Variants in RAB31 observed in about 807,000 individuals in gnomAD.
RAB31 encodes ras-related protein Rab-31.
In RAB31, 21 loss-of-function variants were observed where a neutral mutation model predicts 25.6. That is an observed-to-expected ratio of 0.82 (90% CI 0.58 to 1.18). The LOEUF (loss-of-function observed/expected upper bound fraction) is 1.18. Ranked by LOEUF, RAB31 falls within the 50% of genes most tolerant of loss-of-function variation. The pLI, the probability that RAB31 is intolerant of heterozygous loss-of-function variation, is 0.00. For missense variants in RAB31, 196 were observed against 250.1 expected, an observed-to-expected ratio of 0.78 and a Z score of 1.46; for synonymous variants, 87 against 84.0, an observed-to-expected ratio of 1.04 and a Z score of -0.20.
intron 1 of RAB31, among the ~76,000 whole-genome samples, chr18:9,744,639 T>A (rs2068196552): frequency 6.6e-6 from 1 of 152,172 alleles, no homozygotes; most frequent in Admixed American, 6.5e-5. Flanking sequence ...GGAACTTGGA[T>A]GCAAAAAGCA....
At chr18:9,837,040 G>C (rs769914169) in intron 5 of RAB31, among the ~76,000 whole-genome samples, 2 of 151,820 alleles carry the variant, frequency 1.3e-5, no homozygotes, top group Admixed American at 1.3e-4. Context: ...AACATGGGGA[G>C]ATTCAGTGTG....
chr18:9,739,485 T>C (rs2068167125), intron 1 of RAB31, among the ~76,000 whole-genome samples: 1 of 151,788 alleles, frequency 6.6e-6, no homozygotes, highest in Non-Finnish European at 1.5e-5. Flanking sequence ...AAAAAGAATT[T>C]GTAAGAATTC....
intron 1 of RAB31, among the ~76,000 whole-genome samples, chr18:9,733,611 AT>A (rs1568164855): frequency 6.6e-6 from 1 of 151,930 alleles, no homozygotes; most frequent in Non-Finnish European, 1.5e-5. Context: ...GCCTCATTCC[AT>A]TTTCCTGGGC....
chr18:9,828,298 G>A (rs1049350513), intron 5 of RAB31, among the ~76,000 whole-genome samples: 1 of 152,192 alleles, frequency 6.6e-6, no homozygotes, highest in African/African-American at 2.4e-5. Context: ...CCATTGCCAG[G>A]CAGTCAGAAC....
intron 6 of RAB31, among the ~76,000 whole-genome samples, chr18:9,852,325 C>T (rs1255351888): frequency 6.6e-6 from 1 of 152,210 alleles, no homozygotes; most frequent in African/African-American, 2.4e-5. Flanking sequence ...ATATTAATTA[C>T]TATCATCAAA....
At position 9,809,127 on chromosome 18, in the gene RAB31, A is replaced by G. The variant is rs544021449; in HGVS notation, c.202-4893A>G. Among the ~76,000 whole-genome samples, 14 of 152,368 alleles carry G rather than the reference A, an allele frequency of 9.2e-5. No individual in the cohort carries two copies. The East Asian group carries it at 2.7e-3, about 29-fold the overall frequency. ...GGAAAACAAGTGTAGTGCACACTAC[A>G]CGGAAGGCGAGAGCCTCCATCCTGA... On this transcript the variant is annotated intron_variant, in intron 3 of 6. Coordinates refer to ENST00000578921, the MANE Select transcript of RAB31 (RefSeq NM_006868.4).
chr18:9,741,739 C>T (rs1231228598), intron 1 of RAB31, among the ~76,000 whole-genome samples: 1 of 152,206 alleles, frequency 6.6e-6, no homozygotes, highest in African/African-American at 2.4e-5. Context: ...CTCCAGCAGC[C>T]CCCTCAGGGG....
At chr18:9,741,650 C>T (rs943556682) in intron 1 of RAB31, among the ~76,000 whole-genome samples, 1 of 152,138 alleles carries the variant, frequency 6.6e-6, no homozygotes, top group Non-Finnish European at 1.5e-5. Context: ...GTGTGCAGCA[C>T]GTACATGTCC....
chr18:9,852,852 A>G (rs1022092450), intron 6 of RAB31, among the ~76,000 whole-genome samples: 4 of 152,158 alleles, frequency 2.6e-5, no homozygotes, highest in African/African-American at 9.7e-5. Context: ...ACCACCACCA[A>G]TGTGTGGGAG....
chr18:9,798,979 G>T (rs1229685884), intron 3 of RAB31, among the ~76,000 whole-genome samples: 2 of 152,170 alleles, frequency 1.3e-5, no homozygotes, highest in African/African-American at 4.8e-5. Context: ...AGTTACTTGG[G>T]AGGCTGAAGT....
intron 5 of RAB31, among the ~76,000 whole-genome samples, chr18:9,829,952 C>T (rs974198684): frequency 2.0e-5 from 3 of 151,602 alleles, no homozygotes; most frequent in Non-Finnish European, 2.9e-5. Context: ...CTATCATCTT[C>T]GAATTTAGGT....
chr18:9,711,396 A>G (rs892396206), intron 1 of RAB31, among the ~76,000 whole-genome samples: 4 of 152,128 alleles, frequency 2.6e-5, no homozygotes, highest in Non-Finnish European at 5.9e-5. Context: ...TTTTTGAGAT[A>G]GGGTCTCACT....
At chr18:9,792,397 G>C (rs1469409183) in intron 3 of RAB31, among the ~76,000 whole-genome samples, 162 bp downstream of exon 3, 1 of 152,214 alleles carries the variant, frequency 6.6e-6, no homozygotes, top group Non-Finnish European at 1.5e-5. Flanking sequence ...TATGTGAAAA[G>C]TCTAAGTGGG....
At chr18:9,811,435 A>G (rs1652955692) in intron 3 of RAB31, among the ~76,000 whole-genome samples, 1 of 152,236 alleles carries the variant, frequency 6.6e-6, no homozygotes, top group Non-Finnish European at 1.5e-5. Context: ...TTTGGCAAGT[A>G]TTGATCCAAT....
In RAB31 at chr18:9,775,693, G is replaced by A. The variant is rs59678523; in HGVS notation, c.119+336G>A. On this transcript the variant is annotated intron_variant, in intron 2 of 6. Coordinates refer to ENST00000578921, the MANE Select transcript of RAB31 (RefSeq NM_006868.4). ...CAAACCCCTGATAGTTCTGCTTTAA[G>A]TTGCCTGCTAATAAACCCTGAAAAT... is the stretch of plus-strand genomic sequence containing the variant. Among the ~76,000 whole-genome samples, 811 of 152,258 alleles carry A rather than the reference G, an allele frequency of 5.3e-3. 10 individuals carry two copies. Among genetic ancestry groups the A allele is most frequent in the African/African-American group, 0.019 (782 of 41,538 alleles).
At chr18:9,733,689 T>G (rs1437317468) in intron 1 of RAB31, among the ~76,000 whole-genome samples, 1 of 152,130 alleles carries the variant, frequency 6.6e-6, no homozygotes, top group Non-Finnish European at 1.5e-5. Flanking sequence ...ACGGCCTTGG[T>G]TCCCTGCTCT....
intron 5 of RAB31, among the ~76,000 whole-genome samples, chr18:9,839,185 G>A (rs995183945): frequency 6.6e-6 from 1 of 152,160 alleles, no homozygotes; most frequent in African/African-American, 2.4e-5. Flanking sequence ...CCTGGTGGAG[G>A]GGTTGCCAGA....
At chr18:9,781,001 G>A (rs2068401159) in intron 2 of RAB31, among the ~76,000 whole-genome samples, 1 of 152,098 alleles carries the variant, frequency 6.6e-6, no homozygotes, top group Admixed American at 6.6e-5. Context: ...ACCTCGTTGG[G>A]CATAGATACC....
intron 2 of RAB31, among the ~76,000 whole-genome samples, chr18:9,778,402 C>T (rs892651897): frequency 2.0e-5 from 3 of 152,076 alleles, no homozygotes; most frequent in Admixed American, 2.0e-4. Flanking sequence ...TACAATTGAC[C>T]CTTGAACAAC....
Sources: gnomAD v4.1 joint callset for allele counts (sites outside exome capture counted in the v4.1 genomes callset) on GRCh38, gnomAD v4.1.1 for gene constraint, MANE v1.5 for transcripts, NCBI Gene and HGNC (gene_info 2026-07-23, HGNC 2026-07-21) for gene names.